Variants in PPP2R2B observed in about 807,000 individuals in gnomAD.
The protein encoded by PPP2R2B is serine/threonine-protein phosphatase 2A 55 kDa regulatory subunit B beta isoform.
PPP2R2B carries 5 observed loss-of-function variants against 46.0 expected under a neutral mutation model. The observed-to-expected ratio is 0.11, with a 90% CI of 0.06 to 0.23. PPP2R2B has a LOEUF of 0.23. PPP2R2B is among the 10% of genes least tolerant of loss of function. The pLI is 1.00. For missense variants in PPP2R2B, 367 were observed against 575.0 expected (o/e 0.64, Z 3.70); for synonymous variants, 215 against 206.7 (o/e 1.04, Z -0.34).
At chr5:146,810,473 A>G (rs568081687) in intron 2 of PPP2R2B, among the ~76,000 whole-genome samples, 1 of 152,304 alleles carries the variant, frequency 6.6e-6, no homozygotes, top group Admixed American at 6.5e-5. Context: ...GGAGGCAATT[A>G]TGGGAGCTAC....
chr5:146,724,794 G>A (rs1319453188), intron 2 of PPP2R2B, among the ~76,000 whole-genome samples: 1 of 152,110 alleles, frequency 6.6e-6, no homozygotes, highest in Non-Finnish European at 1.5e-5. Context: ...GTCTATCTGG[G>A]AGTTACATGC....
At chr5:147,022,579 A>T (rs147829003) in intron 1 of PPP2R2B, among the ~76,000 whole-genome samples, 25 of 152,158 alleles carry the variant, frequency 1.6e-4, no homozygotes, top group African/African-American at 5.1e-4. Flanking sequence ...TCCAAATTTA[A>T]TAAGAAAATA....
Position 146,589,836 on chromosome 5 carries a change from C to T in PPP2R2B, c.*111G>A. On this transcript the variant is annotated 3_prime_UTR_variant, in exon 10 of 10. Coordinates refer to ENST00000394411, the MANE Select transcript of PPP2R2B (RefSeq NM_181675.4). ...CCTTTTAATTCTATTCCAATCATTT[C>T]CTGTATAGGGAAATTAAAGTCAATG... The T allele has an allele frequency of 8.9e-7, 1 of 1,120,332 alleles. No homozygotes were observed. Among genetic ancestry groups the T allele is most frequent in the Non-Finnish European group, 1.3e-6 (1 of 778,990 alleles). 69.4% of individuals were successfully genotyped at this position (1,120,332 alleles called of 1,614,324 possible).
intron 6 of PPP2R2B, among the ~76,000 whole-genome samples, chr5:146,640,517 G>A (rs931759928): frequency 3.9e-5 from 6 of 152,194 alleles, no homozygotes; most frequent in Non-Finnish European, 5.9e-5. Context: ...TTGGGTAAAC[G>A]GAGGTTAGTT....
intron 2 of PPP2R2B, among the ~76,000 whole-genome samples, chr5:146,810,781 T>A (rs1364590407): frequency 1.3e-5 from 2 of 152,044 alleles, no homozygotes; most frequent in Non-Finnish European, 2.9e-5. Flanking sequence ...TGTGTGGGTT[T>A]GTTACATATG....
chr5:146,780,193 T>C (rs1428676338), intron 2 of PPP2R2B, among the ~76,000 whole-genome samples: 1 of 152,208 alleles, frequency 6.6e-6, no homozygotes, highest in Non-Finnish European at 1.5e-5. Context: ...GCCTCAATTA[T>C]CTCTGGGATT....
At chr5:146,751,732 AC>A (rs1753567260) in intron 2 of PPP2R2B, among the ~76,000 whole-genome samples, 1 of 152,216 alleles carries the variant, frequency 6.6e-6, no homozygotes, top group Admixed American at 6.5e-5. Flanking sequence ...GAAATATTAA[AC>A]AGAGTTAAGT....
intron 2 of PPP2R2B, among the ~76,000 whole-genome samples, chr5:146,859,394 C>A (rs1436222095): frequency 6.6e-6 from 1 of 152,098 alleles, no homozygotes; most frequent in South Asian, 2.1e-4. Flanking sequence ...TATTGAAGAA[C>A]TAATTTAAAA....
At chr5:147,075,551 G>A (rs931535788) in intron 2 of PPP2R2B, among the ~76,000 whole-genome samples, 1 of 151,962 alleles carries the variant, frequency 6.6e-6, no homozygotes. Flanking sequence ...CTTCCTTCTT[G>A]ATGTTTATAC....
At chr5:146,707,241 G>T in intron 2 of PPP2R2B, 2 of 1,585,474 alleles carry the variant, frequency 1.3e-6, no homozygotes, top group South Asian at 1.1e-5. Context: ...GCTGCAGGAG[G>T]CTCCACTTGG....
At chr5:146,706,779 T>A in intron 2 of PPP2R2B, 1 of 816,666 alleles carries the variant, frequency 1.2e-6, no homozygotes, top group Non-Finnish European at 2.2e-6. Flanking sequence ...TGATACATGC[T>A]CTCGGCCTCA....
chr5:146,741,372 ATAATC>A (rs1268026393), intron 2 of PPP2R2B, among the ~76,000 whole-genome samples: 1 of 152,184 alleles, frequency 6.6e-6, no homozygotes, highest in Non-Finnish European at 1.5e-5. Context: ...AAATGTACTT[ATAATC>A]TGAAGTTGGA....
At chr5:146,966,717 G>A (rs779752383) in intron 1 of PPP2R2B, among the ~76,000 whole-genome samples, 5 of 152,236 alleles carry the variant, frequency 3.3e-5, no homozygotes, top group African/African-American at 4.8e-5. Context: ...CTGGCACAGC[G>A]TAGGAGCACA....
intron 1 of PPP2R2B, among the ~76,000 whole-genome samples, chr5:146,888,242 C>T (rs1303207969): frequency 1.3e-5 from 2 of 152,132 alleles, no homozygotes; most frequent in Non-Finnish European, 2.9e-5. Context: ...ACCTCCAGAG[C>T]AATATCACCA....
chr5:146,588,318 G>C lies in PPP2R2B; in HGVS notation c.*1629C>G, dbSNP rs1770272929. ...GTGACAGTTATTTCCTTGCCAAAAA[G>C]CTATTAGTAAATGGATAGTAGCTTA... On this transcript the variant is annotated 3_prime_UTR_variant, in exon 10 of 10. Coordinates refer to ENST00000394411, the MANE Select transcript of PPP2R2B (RefSeq NM_181675.4). 6.6e-6 allele frequency: 1 copy of C among 152,152 alleles called. No individual in the cohort carries two copies. The highest frequency in any genetic ancestry group is 1.5e-5 in the Non-Finnish European group (1 of 68,030). 9.4% of individuals were successfully genotyped at this position (152,152 alleles called of 1,614,324 possible).
chr5:146,995,049 A>C (rs946366932), intron 1 of PPP2R2B, among the ~76,000 whole-genome samples: 1 of 152,204 alleles, frequency 6.6e-6, no homozygotes, highest in Non-Finnish European at 1.5e-5. Context: ...TTAAGTCACC[A>C]CTGTCTCACC....
intron 1 of PPP2R2B, among the ~76,000 whole-genome samples, chr5:147,027,587 C>T (rs557780869): frequency 6.0e-5 from 9 of 149,358 alleles, no homozygotes; most frequent in African/African-American, 1.2e-4. Flanking sequence ...GAGCCAACAT[C>T]GCGCCACTGC....
intron 1 of PPP2R2B, among the ~76,000 whole-genome samples, chr5:146,964,777 C>T (rs10477314): frequency 0.013 from 1,945 of 152,036 alleles, 47 homozygotes; most frequent in African/African-American, 0.045. Flanking sequence ...CACCTGCCTC[C>T]GCCTCCCAAA....
At chr5:146,745,156 AAGACAGAGAGAGAG>A (rs1438965847) in intron 2 of PPP2R2B, among the ~76,000 whole-genome samples, 13 of 106,056 alleles carry the variant, frequency 1.2e-4, no homozygotes, top group African/African-American at 4.8e-4. Context: ...CGTGCAGAGA[AAGACAGAGAGAGAG>A]AGAGAGAGAG....
Sources: gnomAD v4.1 joint callset for allele counts (sites outside exome capture counted in the v4.1 genomes callset) on GRCh38, gnomAD v4.1.1 for gene constraint, MANE v1.5 for transcripts, NCBI Gene and HGNC (gene_info 2026-07-23, HGNC 2026-07-21) for gene names.